CALN1: variants seen among roughly 807,000 people sequenced by gnomAD.
CALN1 encodes the protein calcium-binding protein 8.
CALN1 carries 17 observed loss-of-function variants against 30.6 expected under a neutral mutation model. The ratio of observed to expected loss-of-function variants is 0.56; its 90% CI spans 0.38 to 0.83. CALN1 has a LOEUF of 0.83. Among genes scored for constraint, CALN1 ranks in the 40% least tolerant of loss-of-function variants. The pLI is 0.00. For missense variants in CALN1, 291 were observed against 354.9 expected (o/e 0.82, Z 1.45); for synonymous variants, 156 against 131.4 (o/e 1.19, Z -1.28).
chr7:72,393,471 AAAAC>A (rs770818464), intron 2 of CALN1, among the ~76,000 whole-genome samples: 25 of 152,228 alleles, frequency 1.6e-4, no homozygotes, highest in Admixed American at 5.9e-4. Flanking sequence ...CTCAAAAAAC[AAAAC>A]AAACAAAAAA....
At chr7:71,917,178 T>C (rs1794722931) in intron 5 of CALN1, among the ~76,000 whole-genome samples, 1 of 152,154 alleles carries the variant, frequency 6.6e-6, no homozygotes, top group African/African-American at 2.4e-5. Flanking sequence ...TGGAATTGTC[T>C]CATGGCCCAT....
At chr7:71,869,310 A>G (rs924874058) in intron 5 of CALN1, among the ~76,000 whole-genome samples, 25 of 151,984 alleles carry the variant, frequency 1.6e-4, no homozygotes, top group Admixed American at 1.5e-3. Flanking sequence ...TCCCAGGTTC[A>G]AGGGATTCTC....
intron 5 of CALN1, among the ~76,000 whole-genome samples, chr7:71,900,556 G>A (rs1793792361): frequency 6.6e-6 from 1 of 152,158 alleles, no homozygotes; most frequent in Non-Finnish European, 1.5e-5. Flanking sequence ...ATTCCATTAA[G>A]GCAGGCAGTT....
chr7:72,153,308 C>T (rs1787398754), intron 3 of CALN1, among the ~76,000 whole-genome samples: 1 of 152,116 alleles, frequency 6.6e-6, no homozygotes, highest in African/African-American at 2.4e-5. Context: ...TCTCTCTGCC[C>T]TTGGGGAACC....
chr7:71,884,892 C>A (rs1792807731), intron 5 of CALN1, among the ~76,000 whole-genome samples: 1 of 152,104 alleles, frequency 6.6e-6, no homozygotes, highest in South Asian at 2.1e-4. Flanking sequence ...CCTACCCAAT[C>A]CTAAAAAGAT....
chr7:71,903,216 A>G (rs942744954), intron 5 of CALN1, among the ~76,000 whole-genome samples: 1 of 152,064 alleles, frequency 6.6e-6, no homozygotes, highest in Non-Finnish European at 1.5e-5. Flanking sequence ...ATGAGAAACC[A>G]TTTTTTGAAA....
At chr7:71,928,208 C>T (rs956765530) in intron 5 of CALN1, among the ~76,000 whole-genome samples, 8 of 152,116 alleles carry the variant, frequency 5.3e-5, no homozygotes, top group Non-Finnish European at 8.8e-5. Context: ...TGTAAGTGGG[C>T]GCAAGCCTAT....
intron 4 of CALN1, among the ~76,000 whole-genome samples, chr7:72,088,582 C>T (rs371257740): frequency 6.6e-6 from 1 of 151,598 alleles, no homozygotes; most frequent in South Asian, 2.1e-4. Context: ...GCCTGTAATC[C>T]GACCTACTCG....
intron 4 of CALN1, among the ~76,000 whole-genome samples, chr7:72,046,198 A>T (rs1802460070): frequency 6.6e-6 from 1 of 151,962 alleles, no homozygotes; most frequent in South Asian, 2.1e-4. Context: ...CGACAGTCAC[A>T]GGTACTCAGA....
intron 3 of CALN1, among the ~76,000 whole-genome samples, chr7:72,259,131 A>T (rs898183362): frequency 6.6e-6 from 1 of 151,684 alleles, no homozygotes; most frequent in African/African-American, 2.4e-5. Flanking sequence ...TCAAAAAAAG[A>T]TATGAAGAAA....
At chr7:71,888,432 C>CGAGA (rs113040770) in intron 5 of CALN1, among the ~76,000 whole-genome samples, 5 of 128,396 alleles carry the variant, frequency 3.9e-5, no homozygotes, top group African/African-American at 1.2e-4. Flanking sequence ...AAGCCATTAT[C>CGAGA]GAGAGAGAGA....
intron 4 of CALN1, among the ~76,000 whole-genome samples, chr7:72,065,453 A>G (rs1402774563): frequency 6.7e-6 from 1 of 150,294 alleles, no homozygotes; most frequent in Non-Finnish European, 1.5e-5. Flanking sequence ...CTTCTTTTGC[A>G]TGACAACCCT....
chr7:72,303,342 C>G (rs1210894112), intron 2 of CALN1, among the ~76,000 whole-genome samples: 1 of 152,040 alleles, frequency 6.6e-6, no homozygotes, highest in Non-Finnish European at 1.5e-5. Flanking sequence ...GTGGCCAGAT[C>G]ATCTGAGGTC....
At chr7:72,006,736 C>T (rs1479313603) in intron 5 of CALN1, among the ~76,000 whole-genome samples, 1 of 152,040 alleles carries the variant, frequency 6.6e-6, no homozygotes, top group Non-Finnish European at 1.5e-5. Context: ...ATCATGGATG[C>T]ATAATGGAAG....
intron 5 of CALN1, among the ~76,000 whole-genome samples, chr7:71,984,858 C>T (rs1798580937): frequency 6.6e-6 from 1 of 152,190 alleles, no homozygotes; most frequent in Non-Finnish European, 1.5e-5. Flanking sequence ...GTTGCAGATT[C>T]ACGCAATTAA....
intron 3 of CALN1, among the ~76,000 whole-genome samples, chr7:72,165,210 T>G (rs576551224): frequency 6.6e-6 from 1 of 152,260 alleles, no homozygotes; most frequent in Admixed American, 6.5e-5. Context: ...ACCTACCGTT[T>G]CAAATTTCTT....
intron 3 of CALN1, among the ~76,000 whole-genome samples, chr7:72,188,028 T>G (rs563887187): frequency 6.6e-6 from 1 of 152,280 alleles, no homozygotes; most frequent in South Asian, 2.1e-4. Context: ...CTGGTGGGAA[T>G]GTAAACTAGG....
intron 5 of CALN1, among the ~76,000 whole-genome samples, chr7:71,835,738 G>A (rs551562756): frequency 2.6e-5 from 4 of 152,302 alleles, no homozygotes; most frequent in South Asian, 4.1e-4. Flanking sequence ...AAGTTACAGA[G>A]TCAAGGCAGA....
chr7:72,083,859 C>A (rs1805313232), intron 4 of CALN1, among the ~76,000 whole-genome samples: 1 of 151,492 alleles, frequency 6.6e-6, no homozygotes, highest in Admixed American at 6.6e-5. Flanking sequence ...AAGTACAGCA[C>A]AGACTGCCAA....
Sources: allele counts gnomAD v4.1 joint callset (sites outside exome capture counted in the v4.1 genomes callset), GRCh38; gene constraint gnomAD v4.1.1; transcripts MANE v1.5; gene names NCBI Gene and HGNC (gene_info 2026-07-23, HGNC 2026-07-21).